Variants in ZNF821 observed in about 807,000 individuals in gnomAD.
The protein encoded by ZNF821 is zinc finger protein 821.
ZNF821 carries 16 observed loss-of-function variants against 44.3 expected under a neutral mutation model. The observed-to-expected ratio is 0.36, with a 90% CI of 0.24 to 0.55. ZNF821 has a LOEUF of 0.55. ZNF821 is among the 20% of genes least tolerant of loss of function. ZNF821 has a pLI of 0.86. For missense variants in ZNF821, 436 were observed against 547.6 expected (o/e 0.80, Z 2.03); for synonymous variants, 204 against 197.6 (o/e 1.03, Z -0.27).
rs371746611 is a variant in ZNF821, at chr16:71,865,781, G to A, written c.167-733C>T. 3.4e-4 allele frequency among the ~76,000 whole-genome samples: 52 copies of A among 152,194 alleles called. 2 individuals carry two copies. In the South Asian group the frequency reaches 7.5e-3, roughly 22 times the overall value. ...ATTTGGATTATCTCAATGGGTAACC[G>A]AATGCATTAAGTGGAAGGAACGGGC... is the stretch of plus-strand genomic sequence containing the variant. On this transcript the variant is annotated intron_variant, in intron 4 of 7. Transcript: ENST00000425432.
chr16:71,867,099 T>G (rs768024351), intron 4 of ZNF821, among the ~76,000 whole-genome samples: 1 of 152,220 alleles, frequency 6.6e-6, no homozygotes, highest in African/African-American at 2.4e-5. Context: ...TCTTAGGGAA[T>G]TGGTATGGGA....
intron 4 of ZNF821, 22 bp from the exon 5 acceptor site, chr16:71,865,070 C>A (rs769957124): frequency 6.2e-7 from 1 of 1,613,926 alleles, no homozygotes; most frequent in African/African-American, 1.3e-5. Flanking sequence ...AAACTGGTCA[C>A]TTGTTCTGAT....
At chr16:71,870,357 G>A (rs1567419844) in intron 3 of ZNF821, among the ~76,000 whole-genome samples, 1 of 151,194 alleles carries the variant, frequency 6.6e-6, no homozygotes, top group African/African-American at 2.4e-5. Context: ...ATAAATTACT[G>A]GGTAGAGAAA....
intron 3 of ZNF821, among the ~76,000 whole-genome samples, chr16:71,869,901 T>C (rs536709572): frequency 6.6e-6 from 1 of 152,310 alleles, no homozygotes; most frequent in African/African-American, 2.4e-5. Context: ...CCTCCTAAAG[T>C]GTTGGAATTA....
upstream of ZNF821, among the ~76,000 whole-genome samples, chr16:71,886,534 C>T (rs2036854204): frequency 4.6e-5 from 7 of 152,326 alleles, no homozygotes; most frequent in South Asian, 1.5e-3. Context: ...AACTATTTAA[C>T]TTTCCACTTG....
intron 3 of ZNF821, among the ~76,000 whole-genome samples, chr16:71,874,000 C>T (rs995395139): frequency 1.3e-5 from 2 of 149,416 alleles, no homozygotes; most frequent in African/African-American, 2.5e-5. Context: ...CTCTTGTTGC[C>T]CAGGCTGGAG....
chr16:71,866,820 A>G (rs2142376287), intron 4 of ZNF821, among the ~76,000 whole-genome samples: 1 of 152,282 alleles, frequency 6.6e-6, no homozygotes, highest in South Asian at 2.1e-4. Context: ...TTGCTTAATT[A>G]TTAGCTTGGG....
upstream of ZNF821, among the ~76,000 whole-genome samples, chr16:71,889,052 C>T (rs1020617909): frequency 6.6e-6 from 1 of 152,064 alleles, no homozygotes; most frequent in Admixed American, 6.5e-5. Context: ...TGAGACCAGT[C>T]TGGGCAACAT....
intron 6 of ZNF821, among the ~76,000 whole-genome samples, chr16:71,862,896 A>G (rs905813431): frequency 2.6e-5 from 4 of 152,022 alleles, no homozygotes; most frequent in Non-Finnish European, 5.9e-5. Flanking sequence ...ATTTGTGTTA[A>G]CTAATTTTTT....
intron 3 of ZNF821, 75 bp from the exon 4 acceptor site, chr16:71,868,112 G>T: frequency 6.7e-7 from 1 of 1,482,384 alleles, no homozygotes; most frequent in African/African-American, 1.4e-5. Flanking sequence ...TGGAAGGTCA[G>T]ACCATTCAAA....
At chr16:71,869,150 CTCAG>C (rs1422531436) in intron 3 of ZNF821, among the ~76,000 whole-genome samples, 19 of 152,280 alleles carry the variant, frequency 1.2e-4, no homozygotes, top group African/African-American at 4.6e-4. Context: ...TTTCTATTAT[CTCAG>C]TCAGAGTAGA....
chr16:71,881,872 G>C (rs2036452599), intron 2 of ZNF821: 1 of 152,412 alleles, frequency 6.6e-6, no homozygotes, highest in Non-Finnish European at 1.5e-5. Flanking sequence ...TCGGGAAGCT[G>C]AGGCATGAGA....
At chr16:71,880,432 GC>G in intron 2 of ZNF821, 1 of 152,792 alleles carries the variant, frequency 6.5e-6, no homozygotes. Flanking sequence ...CATGTCACAT[GC>G]CCACTGGAAG....
chr16:71,875,476 C>T (rs192056028), intron 3 of ZNF821, among the ~76,000 whole-genome samples: 3 of 138,814 alleles, frequency 2.2e-5, no homozygotes, highest in East Asian at 4.2e-4. Context: ...TTTTTTGAGA[C>T]GGAGTCTTGC....
At chr16:71,879,784 G>T in intron 3 of ZNF821, 123 bp downstream of exon 3, 1 of 919,204 alleles carries the variant, frequency 1.1e-6, no homozygotes, top group South Asian at 1.9e-5. Flanking sequence ...TCAGCAAACT[G>T]TGTTTTACAT....
chr16:71,883,627 G>C (rs1175100780), intron 1 of ZNF821: 2 of 152,350 alleles, frequency 1.3e-5, no homozygotes, highest in African/African-American at 4.8e-5. Context: ...CGTCCCCGCC[G>C]GGGCCCGAGG....
intron 1 of ZNF821, chr16:71,894,732 C>G (rs1373809124): frequency 3.9e-6 from 2 of 509,550 alleles, no homozygotes; most frequent in African/African-American, 2.3e-5. Flanking sequence ...GATGCGGTTT[C>G]ACTATGGTGT....
intron 1 of ZNF821, among the ~76,000 whole-genome samples, chr16:71,893,073 A>G (rs113889638): frequency 0.043 from 4,701 of 109,958 alleles, 293 homozygotes; most frequent in African/African-American, 0.15. Context: ...TCTGTCACCC[A>G]GGCTGGAGTG....
intron 3 of ZNF821, 47 bp downstream of exon 3, chr16:71,879,860 C>T (rs1321466059): frequency 1.3e-6 from 2 of 1,583,604 alleles, no homozygotes; most frequent in African/African-American, 1.4e-5. Context: ...TCTTCCATTC[C>T]ACCCCTTAGC....
Sources: allele counts gnomAD v4.1 joint callset (sites outside exome capture counted in the v4.1 genomes callset), GRCh38; gene constraint gnomAD v4.1.1; transcripts MANE v1.5; gene names NCBI Gene and HGNC (gene_info 2026-07-23, HGNC 2026-07-21).